SVEP1: variants seen among roughly 807,000 people sequenced by gnomAD.
SVEP1 encodes the protein sushi, von Willebrand factor type A, EGF and pentraxin domain-containing protein 1.
A neutral mutation model predicts 367.3 loss-of-function variants in SVEP1; 164 were observed. The observed-to-expected ratio is 0.45, with a 90% CI of 0.39 to 0.51. SVEP1 has a LOEUF of 0.51. Among genes scored for constraint, SVEP1 ranks in the 20% least tolerant of loss-of-function variants. The pLI, the probability that SVEP1 is intolerant of heterozygous loss-of-function variation, is 0.00. For synonymous variants in SVEP1, 1,666 were observed against 1,611.6 expected, an observed-to-expected ratio of 1.03 and a Z score of -0.81; for missense variants, 4,117 against 4,425.3, an observed-to-expected ratio of 0.93 and a Z score of 1.98.
intron 30 of SVEP1, 34 bp from the exon 31 acceptor site, chr9:110,432,669 A>C: frequency 1.3e-6 from 2 of 1,575,682 alleles, no homozygotes; most frequent in Non-Finnish European, 8.6e-7. Context: ...CAACGACATT[A>C]AGAGCAAAAT....
chr9:110,575,757 A>G (rs1304038445), intron 1 of SVEP1, among the ~76,000 whole-genome samples: 1 of 151,862 alleles, frequency 6.6e-6, no homozygotes, highest in Non-Finnish European at 1.5e-5. Context: ...GGTTAATACC[A>G]TTAAGATTTA....
chr9:110,441,856 G>C (rs1828514199), intron 27 of SVEP1, among the ~76,000 whole-genome samples: 1 of 152,046 alleles, frequency 6.6e-6, no homozygotes, highest in Non-Finnish European at 1.5e-5. Flanking sequence ...TACCCTTCCT[G>C]CCATCTCCCC....
At chr9:110,392,151 A>ATATATATATATATATATATC (rs1308038317) in intron 40 of SVEP1, among the ~76,000 whole-genome samples, 13 of 146,082 alleles carry the variant, frequency 8.9e-5, no homozygotes, top group African/African-American at 3.5e-4. Context: ...ATATATATAT[A>ATATATATATATATATATATC]TATCTCTTCT....
chr9:110,470,655 C>T (rs913863499), intron 16 of SVEP1, among the ~76,000 whole-genome samples: 25 of 151,790 alleles, frequency 1.6e-4, no homozygotes, highest in African/African-American at 4.6e-4. Context: ...AGGCTGGTCT[C>T]GAACTCCTGG....
At chr9:110,550,404 CTTA>C (rs1432825359) in intron 1 of SVEP1, among the ~76,000 whole-genome samples, 2 of 152,052 alleles carry the variant, frequency 1.3e-5, no homozygotes, top group Non-Finnish European at 2.9e-5. Context: ...AATATTATCA[CTTA>C]TTATTATATT....
intron 40 of SVEP1, among the ~76,000 whole-genome samples, chr9:110,392,216 C>A (rs899077679): frequency 6.7e-6 from 1 of 150,284 alleles, no homozygotes; most frequent in African/African-American, 2.5e-5. Context: ...TGCAATGTCT[C>A]TTATATCTCT....
Position 110,411,453 on chromosome 9 carries a change from A to C in SVEP1, c.6258T>G (p.Pro2086=). 1 of 1,614,020 alleles carries C rather than the reference A, an allele frequency of 6.2e-7. No homozygotes were observed. The highest frequency in any genetic ancestry group is 8.5e-7 in the Non-Finnish European group (1 of 1,179,892). The change falls in exon 37 of 48, where the codon CCT becomes CCG. Residue 2086 remains proline (P), a synonymous_variant. Transcript: ENST00000374469. ...PRCIAHFCEK[P]PSVSYSILES... ...CCAAGATGCTATAGGAAACCGATGG[A>C]GGTTTTTCACAGAAATGAGCTATAC...
chr9:110,461,530 T>C (rs1828857694), intron 18 of SVEP1, among the ~76,000 whole-genome samples: 1 of 152,140 alleles, frequency 6.6e-6, no homozygotes. Flanking sequence ...TTGAAAAATT[T>C]AGAGATGGAC....
chr9:110,505,473 T>A (rs1278114172), intron 5 of SVEP1, among the ~76,000 whole-genome samples: 4 of 152,126 alleles, frequency 2.6e-5, no homozygotes, highest in Non-Finnish European at 5.9e-5. Flanking sequence ...TCCCCTCATA[T>A]CCTAAACTTC....
In SVEP1 at chr9:110,450,252, A is replaced by C. The variant is rs1426762912; in HGVS notation, c.3910T>G (p.Cys1304Gly). The C allele has an allele frequency of 3.7e-6, 6 of 1,613,556 alleles. No individual in the cohort carries two copies. Reference sequence around the variant, plus strand: ...TGGCATTCATTGACTTCTGTTTCACAATGCAGGCCTGAGGATGGAGAAGGA... The same window carrying C: ...TGGCATTCATTGACTTCTGTTTCACCATGCAGGCCTGAGGATGGAGAAGGA... ...TCVKGFVGLH[C>G]ETEVNECQSN... is the part of the protein sequence containing the mutation. The change falls in exon 24 of 48, where the codon TGT becomes GGT. Residue 1304 changes from cysteine to glycine, a missense_variant. Cys to Gly is a radical substitution (Grantham distance 159). Coordinates refer to ENST00000374469, the MANE Select transcript of SVEP1 (RefSeq NM_153366.4).
At chr9:110,486,680 C>T (rs1037767104) in intron 9 of SVEP1, among the ~76,000 whole-genome samples, 8 of 146,932 alleles carry the variant, frequency 5.4e-5, no homozygotes, top group Admixed American at 2.0e-4. Context: ...TGGAGTCTCT[C>T]TCTGTCACCC....
chr9:110,473,188 G>T (rs1829047132), intron 14 of SVEP1, among the ~76,000 whole-genome samples: 1 of 152,030 alleles, frequency 6.6e-6, no homozygotes, highest in South Asian at 2.1e-4. Flanking sequence ...TAAGTAAATT[G>T]TTTTGTGAAC....
chr9:110,430,443 T>C lies in SVEP1; in HGVS notation c.5361A>G (p.Ile1787Met). The change falls in exon 33 of 48, where the codon ATA (isoleucine) becomes ATG (methionine). Residue 1787 changes from isoleucine (I) to methionine (M), a missense_variant. Physicochemically the swap from Ile to Met is conservative, Grantham distance 10. Coordinates refer to ENST00000374469, the MANE Select transcript of SVEP1 (RefSeq NM_153366.4). ...CCGGATTTCCTGGAGCCTTACATTT[T>C]ATAGGTTCTAGAAACAGACAGTTTT... is the stretch of plus-strand genomic sequence containing the variant. ...TGDGKNCAEP[I>M]KCKAPGNPEN... The C allele has an allele frequency of 6.2e-7, 1 of 1,609,662 alleles. No homozygotes were observed. Among genetic ancestry groups the C allele is most frequent in the Non-Finnish European group, 8.5e-7 (1 of 1,177,818 alleles).
intron 3 of SVEP1, among the ~76,000 whole-genome samples, chr9:110,544,358 T>C (rs941470382): frequency 6.6e-6 from 1 of 152,122 alleles, no homozygotes; most frequent in African/African-American, 2.4e-5. Flanking sequence ...GGGATACAGT[T>C]TTCCAAAACA....
rs1039232446 is a variant in SVEP1 at position 110,366,428 on chromosome 9, A to G, written c.*111T>C. On this transcript the variant is annotated 3_prime_UTR_variant, in exon 48 of 48. Transcript: ENST00000374469. ...AGTAACCCCAAGTAACAAGTTTACT[A>G]AACAAGACCCAGCACCATGTTGGAC... The G allele has an allele frequency of 3.5e-6, 4 of 1,137,312 alleles. No homozygotes were observed. Among genetic ancestry groups the G allele is most frequent in the Non-Finnish European group, 2.4e-6 (2 of 849,598 alleles). 70.5% of individuals were successfully genotyped at this position (1,137,312 alleles called of 1,614,324 possible).
chr9:110,499,384 A>G (rs972482934), intron 6 of SVEP1, 146 bp from the exon 7 acceptor site: 11 of 705,876 alleles, frequency 1.6e-5, no homozygotes, highest in Non-Finnish European at 2.5e-5. Flanking sequence ...CATTGAATGT[A>G]TAATATATTG....
rs552405717 is a variant in SVEP1 at position 110,470,976 on chromosome 9, G to A, written c.2998+388C>T. On this transcript the variant is annotated intron_variant, in intron 16 of 47. Transcript: ENST00000374469. The stretch of plus-strand genomic sequence containing the variant: ...TTAGGGGCAAATTCGTAGCCTCTCT[G>A]GCTTCAGTTTTCTCATCCGTAAAAT... Among the ~76,000 whole-genome samples the A allele has an allele frequency of 2.6e-5, 4 of 152,016 alleles. No individual in the cohort carries two copies. The South Asian group carries it at 8.3e-4, about 32-fold the overall frequency.
At chr9:110,563,224 T>C (rs537018774) in intron 1 of SVEP1, among the ~76,000 whole-genome samples, 2 of 152,312 alleles carry the variant, frequency 1.3e-5, no homozygotes, top group African/African-American at 4.8e-5. Flanking sequence ...AGGAATCTAT[T>C]ATATGGAAAA....
chr9:110,529,588 C>A (rs7853101), intron 3 of SVEP1, among the ~76,000 whole-genome samples: 134,972 of 151,834 alleles, frequency 0.89, 60,223 homozygotes, highest in Admixed American at 0.93. Flanking sequence ...TCCTTGGTTA[C>A]GTATATTCCT....
Sources: gnomAD v4.1 joint callset for allele counts (sites outside exome capture counted in the v4.1 genomes callset) on GRCh38, gnomAD v4.1.1 for gene constraint, MANE v1.5 for transcripts, NCBI Gene and HGNC (gene_info 2026-07-23, HGNC 2026-07-21) for gene names.